FHIT: variants seen among roughly 807,000 people sequenced by gnomAD.
FHIT encodes the protein fragile histidine triad diadenosine triphosphatase.
A neutral mutation model predicts 17.9 loss-of-function variants in FHIT; 19 were observed. The observed-to-expected ratio is 1.06, with a 90% confidence interval of 0.74 to 1.56. The LOEUF is 1.56. FHIT is among the 40% of genes most tolerant of loss of function. The probability of loss-of-function intolerance (pLI) is 0.00; values close to 1 mark genes in which losing one functional copy is unlikely to be tolerated. For synonymous variants in FHIT, 81 were observed against 69.7 expected (o/e 1.16, Z -0.81); for missense variants, 248 against 189.2 (o/e 1.31, Z -1.82).
At chr3:60,841,078 T>C (rs1190093232) in intron 3 of FHIT, among the ~76,000 whole-genome samples, 3 of 152,236 alleles carry the variant, frequency 2.0e-5, no homozygotes, top group African/African-American at 7.2e-5. Context: ...CATTATTTTA[T>C]CTGGAGAACC....
intron 5 of FHIT, among the ~76,000 whole-genome samples, chr3:60,419,966 CT>C (rs1702409076): frequency 6.6e-6 from 1 of 152,160 alleles, no homozygotes; most frequent in Non-Finnish European, 1.5e-5. Flanking sequence ...CATAATCCCA[CT>C]ACAGATGTCA....
chr3:60,686,903 C>A (rs986281671), intron 4 of FHIT, among the ~76,000 whole-genome samples: 1 of 152,136 alleles, frequency 6.6e-6, no homozygotes, highest in African/African-American at 2.4e-5. Context: ...TCTTCAACCC[C>A]CTTCGAGAAT....
At chr3:61,227,785 C>T (rs958222505) in intron 1 of FHIT, among the ~76,000 whole-genome samples, 7 of 152,106 alleles carry the variant, frequency 4.6e-5, no homozygotes, top group Non-Finnish European at 1.0e-4. Flanking sequence ...CGGATATATT[C>T]ATGAGTATGT....
intron 4 of FHIT, 52 bp downstream of exon 4, chr3:60,821,867 G>C (rs1201450642): frequency 6.6e-6 from 1 of 151,982 alleles, no homozygotes; most frequent in African/African-American, 2.4e-5. Context: ...ACTCACAGCA[G>C]GTCAATTATT....
intron 5 of FHIT, among the ~76,000 whole-genome samples, chr3:60,518,885 C>T (rs991732727): frequency 2.2e-4 from 34 of 152,112 alleles, no homozygotes; most frequent in African/African-American, 7.7e-4. Context: ...GGCCTGTAAT[C>T]CCAGCTACTC....
intron 5 of FHIT, among the ~76,000 whole-genome samples, chr3:60,336,476 C>G (rs1401278771): frequency 1.3e-5 from 2 of 152,134 alleles, no homozygotes; most frequent in African/African-American, 4.8e-5. Flanking sequence ...AATTTTGGAA[C>G]TTGAAAATAG....
At chr3:60,863,773 A>G (rs1447597672) in intron 3 of FHIT, among the ~76,000 whole-genome samples, 1 of 152,212 alleles carries the variant, frequency 6.6e-6, no homozygotes. Context: ...AATAATGCAA[A>G]GAACATAATA....
At chr3:60,273,867 A>G (rs1559779309) in intron 5 of FHIT, among the ~76,000 whole-genome samples, 1 of 152,208 alleles carries the variant, frequency 6.6e-6, no homozygotes, top group Admixed American at 6.5e-5. Flanking sequence ...ATCACAGAAA[A>G]AGTAATGTTC....
intron 5 of FHIT, among the ~76,000 whole-genome samples, chr3:60,118,321 T>C (rs1351990656): frequency 2.0e-5 from 3 of 151,008 alleles, no homozygotes; most frequent in Admixed American, 2.0e-4. Context: ...TTTTCCAGGA[T>C]GGTCTTGAAC....
At chr3:59,809,309 G>A (rs1700323403) in intron 8 of FHIT, among the ~76,000 whole-genome samples, 1 of 152,332 alleles carries the variant, frequency 6.6e-6, no homozygotes, top group Non-Finnish European at 1.5e-5. Context: ...TGAAGACAAA[G>A]CGGACACTAG....
chr3:60,144,367 C>A (rs1700152873), intron 5 of FHIT, among the ~76,000 whole-genome samples: 1 of 152,142 alleles, frequency 6.6e-6, no homozygotes, highest in Admixed American at 6.6e-5. Context: ...CTCATAATAA[C>A]CCAAGGAGGT....
intron 5 of FHIT, among the ~76,000 whole-genome samples, chr3:60,370,727 T>C (rs1052256136): frequency 2.6e-5 from 4 of 152,168 alleles, no homozygotes; most frequent in Admixed American, 6.5e-5. Context: ...CCATCTCTGC[T>C]CTAATGCAAT....
At chr3:60,510,687 G>A (rs1434665781) in intron 5 of FHIT, among the ~76,000 whole-genome samples, 2 of 152,028 alleles carry the variant, frequency 1.3e-5, no homozygotes, top group African/African-American at 2.4e-5. Context: ...GGGCAATCAT[G>A]TTACCTTCTT....
intron 7 of FHIT, among the ~76,000 whole-genome samples, chr3:59,942,243 A>G (rs1706558474): frequency 6.6e-6 from 1 of 152,158 alleles, no homozygotes; most frequent in Non-Finnish European, 1.5e-5. Context: ...TTAGTCTCTC[A>G]GCCTGCCCTT....
chr3:60,188,340 T>C (rs1381982043), intron 5 of FHIT, among the ~76,000 whole-genome samples: 1 of 151,692 alleles, frequency 6.6e-6, no homozygotes, highest in East Asian at 2.0e-4. Flanking sequence ...GTAAAATAAA[T>C]AGATCACACC....
At chr3:60,266,917 C>T (rs1010144614) in intron 5 of FHIT, among the ~76,000 whole-genome samples, 1 of 152,044 alleles carries the variant, frequency 6.6e-6, no homozygotes, top group African/African-American at 2.4e-5. Flanking sequence ...AAAATTATTA[C>T]ATCCAGAGAA....
chr3:60,616,319 A>G (rs2038948278), intron 4 of FHIT, among the ~76,000 whole-genome samples: 2 of 152,252 alleles, frequency 1.3e-5, no homozygotes, highest in Admixed American at 1.3e-4. Context: ...AAGCCACTAC[A>G]GGAAATTCAC....
intron 4 of FHIT, among the ~76,000 whole-genome samples, chr3:60,706,932 T>G (rs1431256232): frequency 1.3e-5 from 2 of 152,230 alleles, no homozygotes; most frequent in Non-Finnish European, 2.9e-5. Context: ...GTCCGAGAAT[T>G]AATTGTACTG....
intron 5 of FHIT, among the ~76,000 whole-genome samples, chr3:60,163,002 A>C (rs1701006489): frequency 6.6e-6 from 1 of 152,210 alleles, no homozygotes; most frequent in Non-Finnish European, 1.5e-5. Context: ...ACTTTAAAAA[A>C]TTCTAACAAA....
Sources: allele counts gnomAD v4.1 joint callset (sites outside exome capture counted in the v4.1 genomes callset), GRCh38; gene constraint gnomAD v4.1.1; transcripts MANE v1.5; gene names NCBI Gene and HGNC (gene_info 2026-07-23, HGNC 2026-07-21).